Variants in NFIB observed in about 807,000 individuals in gnomAD.
The protein encoded by NFIB is nuclear factor 1 B-type.
Under a neutral mutation model 61.5 loss-of-function variants are expected in NFIB, and 11 were observed. The observed-to-expected ratio is 0.18, with a 90% confidence interval of 0.11 to 0.30. NFIB has a LOEUF of 0.30. Among genes scored for constraint, NFIB ranks in the 10% least tolerant of loss-of-function variants. NFIB has a pLI of 1.00. For missense variants in NFIB, 471 were observed against 608.9 expected (o/e 0.77, Z 2.38); for synonymous variants, 260 against 216.5 (o/e 1.20, Z -1.76).
At chr9:14,365,551 A>G (rs1447484004) in intron 1 of NFIB, among the ~76,000 whole-genome samples, 1 of 152,232 alleles carries the variant, frequency 6.6e-6, no homozygotes, top group African/African-American at 2.4e-5. Flanking sequence ...TGACAGTTGT[A>G]AAATCTTAGA....
intron 1 of NFIB, among the ~76,000 whole-genome samples, chr9:14,337,375 C>A (rs188242152): frequency 3.4e-4 from 51 of 152,184 alleles, no homozygotes; most frequent in Admixed American, 3.2e-3. Flanking sequence ...CAAAAACAGG[C>A]ATACAAAAGT....
chr9:14,290,051 A>C (rs2132526543), intron 2 of NFIB, among the ~76,000 whole-genome samples: 1 of 152,212 alleles, frequency 6.6e-6, no homozygotes, highest in Admixed American at 6.5e-5. Flanking sequence ...CCCAAATGAA[A>C]GACCTCATGA....
At chr9:14,317,355 C>T (rs1308564804), upstream of NFIB, 2 of 152,272 alleles carry the variant, frequency 1.3e-5, no homozygotes, top group African/African-American at 4.8e-5. Context: ...GGTAAGACCC[C>T]AGAGAAGTGA....
the NFIB span, among the ~76,000 whole-genome samples, chr9:14,428,764 C>T: frequency 4.4e-3 from 673 of 152,226 alleles, 12 homozygotes; most frequent in African/African-American, 0.015. Flanking sequence ...AGGTAATTCC[C>T]CCAGATTGCA....
chr9:14,196,346 G>GT (rs1290300551), intron 2 of NFIB, among the ~76,000 whole-genome samples: 1 of 152,100 alleles, frequency 6.6e-6, no homozygotes, highest in African/African-American at 2.4e-5. Flanking sequence ...AAAGCCGTGT[G>GT]TTTATGTTTT....
In NFIB at chr9:14,223,910, G is replaced by A. The variant is rs557393063; in HGVS notation, c.563-44130C>T. Among the ~76,000 whole-genome samples the A allele has an allele frequency of 2.6e-5, 4 of 152,176 alleles. No individual in the cohort carries two copies. The East Asian group carries it at 5.8e-4, about 22-fold the overall frequency. On this transcript the variant is annotated intron_variant, in intron 2 of 10. Transcript: ENST00000380953. ...CTATATCCTATCAGCCACCCTAACC[G>A]CCCACTACACTCTAGTTGGCCAAGA...
chr9:14,458,425 T>C, the NFIB span, among the ~76,000 whole-genome samples: 1 of 152,120 alleles, frequency 6.6e-6, no homozygotes, highest in African/African-American at 2.4e-5. Flanking sequence ...GAATGGGCAA[T>C]ATCTGGAAGC....
chr9:14,224,462 A>G (rs2052104163), intron 2 of NFIB, among the ~76,000 whole-genome samples: 1 of 152,262 alleles, frequency 6.6e-6, no homozygotes, highest in Admixed American at 6.5e-5. Context: ...AATGATGTAC[A>G]TACACATGGG....
the NFIB span, among the ~76,000 whole-genome samples, chr9:14,499,584 TCTATAGCAA>T: frequency 2.0e-5 from 3 of 152,206 alleles, no homozygotes; most frequent in South Asian, 6.2e-4. Context: ...TCACCTGATC[TCTATAGCAA>T]CTTGAAAAGG....
At chr9:14,183,975 T>A (rs1005881951) in intron 2 of NFIB, among the ~76,000 whole-genome samples, 1 of 152,204 alleles carries the variant, frequency 6.6e-6, no homozygotes, top group African/African-American at 2.4e-5. Context: ...TTCTCCAGGT[T>A]AAAGATTCTC....
chr9:14,183,299 G>C (rs1249536815), intron 2 of NFIB, among the ~76,000 whole-genome samples: 1 of 152,172 alleles, frequency 6.6e-6, no homozygotes, highest in African/African-American at 2.4e-5. Context: ...GTAGATACCA[G>C]CCAGTTGATG....
the NFIB span, among the ~76,000 whole-genome samples, chr9:14,515,981 TC>T: frequency 6.6e-6 from 1 of 152,222 alleles, no homozygotes; most frequent in South Asian, 2.1e-4. Flanking sequence ...CTGGCTTCCC[TC>T]CAGGGGAGCG....
At chr9:14,160,496 G>A (rs183746907) in intron 3 of NFIB, among the ~76,000 whole-genome samples, 8 of 152,108 alleles carry the variant, frequency 5.3e-5, no homozygotes, top group Admixed American at 2.6e-4. Context: ...TCAAGTATTC[G>A]AAGGACTATT....
At chr9:14,117,647 T>C (rs2038336586) in intron 8 of NFIB, among the ~76,000 whole-genome samples, 1 of 152,172 alleles carries the variant, frequency 6.6e-6, no homozygotes, top group South Asian at 2.1e-4. Context: ...AGAGGCCACA[T>C]TATTTATTCT....
chr9:14,313,856 G>T lies in NFIB; in HGVS notation c.-345C>A, dbSNP rs938911780. 8.3e-6 allele frequency: 10 copies of T among 1,210,034 alleles called. No homozygotes were observed. In the African/African-American group the frequency reaches 1.6e-4, roughly 19 times the overall value. The allele number at this position is 1,210,034 out of a possible 1,614,324, so 75.0% of individuals were successfully genotyped here. A position where few individuals can be genotyped will look rare whatever the true frequency, so the allele number is the denominator to read the frequency against. Reference sequence around the variant, plus strand: ...ATTTGTTTTCTATTTTGCAGTTGTTGTTGTTGTTGGGGTGTAGGGGGTGCG... The same window carrying T: ...ATTTGTTTTCTATTTTGCAGTTGTTTTTGTTGTTGGGGTGTAGGGGGTGCG... On this transcript the variant is annotated 5_prime_UTR_variant, in exon 1 of 11. Transcript: ENST00000380953. The surrounding 1 kb of genome is among the most constrained non-coding windows in gnomAD (Gnocchi z 4.5).
chr9:14,343,990 C>A (rs2132882663), intron 1 of NFIB, among the ~76,000 whole-genome samples: 1 of 151,658 alleles, frequency 6.6e-6, no homozygotes, highest in Non-Finnish European at 1.5e-5. Flanking sequence ...CTGGAAGAAA[C>A]AGAAGTTTTG....
At chr9:14,343,348 G>A (rs1158728507) in intron 1 of NFIB, among the ~76,000 whole-genome samples, 2 of 152,152 alleles carry the variant, frequency 1.3e-5, no homozygotes, top group Non-Finnish European at 2.9e-5. Flanking sequence ...CTGGGGCGGG[G>A]GAGAGTGCTT....
upstream of NFIB, among the ~76,000 whole-genome samples, chr9:14,399,542 A>T (rs115173035): frequency 0.036 from 5,478 of 152,176 alleles, 322 homozygotes; most frequent in African/African-American, 0.12. Flanking sequence ...ACAAATACCT[A>T]CCCTTTGGTT....
chr9:14,110,957 A>C (rs1482464596), intron 10 of NFIB, among the ~76,000 whole-genome samples: 1 of 152,118 alleles, frequency 6.6e-6, no homozygotes, highest in African/African-American at 2.4e-5. Context: ...CATGGTATTT[A>C]ACATTTTCAG....
Sources: allele counts gnomAD v4.1 joint callset (sites outside exome capture counted in the v4.1 genomes callset), GRCh38; gene constraint gnomAD v4.1.1; non-coding constraint Gnocchi (gnomAD v3.1); transcripts MANE v1.5; gene names NCBI Gene and HGNC (gene_info 2026-07-23, HGNC 2026-07-21).